Variants in GABRB3 observed in about 807,000 individuals in gnomAD.
GABRB3 encodes the protein gamma-aminobutyric acid receptor subunit beta-3.
GABRB3 carries 14 observed loss-of-function variants against 52.1 expected under a neutral mutation model. The ratio of observed to expected loss-of-function variants is 0.27; its 90% CI spans 0.18 to 0.42. The LOEUF (loss-of-function observed/expected upper bound fraction) is 0.42, where lower values mean the gene tolerates loss of function less well. GABRB3 is among the 10% of genes least tolerant of loss of function. GABRB3 has a pLI of 1.00. For synonymous variants in GABRB3, 260 were observed against 232.3 expected, an observed-to-expected ratio of 1.12 and a Z score of -1.08; for missense variants, 307 against 609.1, an observed-to-expected ratio of 0.50 and a Z score of 5.22.
At chr15:26,567,427 T>A (rs1294366042) in intron 7 of GABRB3, among the ~76,000 whole-genome samples, 154 bp downstream of exon 7, 2 of 152,234 alleles carry the variant, frequency 1.3e-5, no homozygotes, top group African/African-American at 4.8e-5. Context: ...GAATCGTGCG[T>A]GAAATTAGTG....
At chr15:26,769,318 A>G (rs1042058721) in intron 3 of GABRB3, among the ~76,000 whole-genome samples, 1 of 152,228 alleles carries the variant, frequency 6.6e-6, no homozygotes, top group African/African-American at 2.4e-5. Flanking sequence ...TTCAAGAAAG[A>G]ATCTTCCAAG....
chr15:26,719,687 C>T (rs189305730), intron 3 of GABRB3, among the ~76,000 whole-genome samples: 33 of 152,276 alleles, frequency 2.2e-4, no homozygotes, highest in Admixed American at 5.2e-4. Context: ...TCATGAAATA[C>T]GTCAGATCAT....
At chr15:26,554,207 A>ATTTATT (rs1555400879) in intron 8 of GABRB3, among the ~76,000 whole-genome samples, 717 of 57,810 alleles carry the variant, frequency 0.012, 83 homozygotes, top group Non-Finnish European at 0.022. Context: ...ATATATATAT[A>ATTTATT]TAGTAGAAAC....
intron 3 of GABRB3, chr15:26,624,791 G>A: frequency 1.0e-6 from 1 of 985,504 alleles, no homozygotes; most frequent in Non-Finnish European, 1.2e-6. Context: ...GAAGGGGGTG[G>A]TGGAAAGGTC....
chr15:26,658,928 A>T lies in GABRB3; in HGVS notation c.241-37394T>A, dbSNP rs777802920. Among the ~76,000 whole-genome samples the T allele has an allele frequency of 3.6e-4, 55 of 152,234 alleles. 1 individual carries two copies. Among genetic ancestry groups the T allele is most frequent in the Non-Finnish European group, 1.0e-4 (7 of 68,040 alleles). On this transcript the variant is annotated intron_variant, in intron 3 of 8. Transcript: ENST00000311550. ...ATTTGGATGATAGGTCATAGGTGAG[A>T]ATCACTACGCTAAAATAAATTGATC...
At chr15:26,565,604 A>G (rs1296979808) in intron 7 of GABRB3, among the ~76,000 whole-genome samples, 2 of 152,222 alleles carry the variant, frequency 1.3e-5, no homozygotes, top group East Asian at 1.9e-4. Context: ...CTACTTTCAT[A>G]TAACTTAATG....
chr15:26,550,731 C>T (rs1015972218), intron 8 of GABRB3, among the ~76,000 whole-genome samples: 1 of 152,170 alleles, frequency 6.6e-6, no homozygotes, highest in African/African-American at 2.4e-5. Flanking sequence ...AGGAAAGGAG[C>T]ACAGATTGCC....
intron 3 of GABRB3, among the ~76,000 whole-genome samples, chr15:26,716,304 G>C (rs886538706): frequency 6.6e-6 from 1 of 152,184 alleles, no homozygotes; most frequent in Non-Finnish European, 1.5e-5. Context: ...ATCCAACAAA[G>C]AGGTAGGATA....
At chr15:26,624,729 C>T in intron 3 of GABRB3, 1 of 984,910 alleles carries the variant, frequency 1.0e-6, no homozygotes, top group Non-Finnish European at 1.2e-6. Flanking sequence ...AGTGGGGGCA[C>T]AAATCAGTGT....
chr15:26,700,878 AC>A (rs1888908129), intron 3 of GABRB3, among the ~76,000 whole-genome samples: 1 of 152,084 alleles, frequency 6.6e-6, no homozygotes, highest in East Asian at 1.9e-4. Context: ...ACAGGGTGAA[AC>A]CCCGTCTCTA....
At chr15:26,612,277 A>G (rs984449123) in intron 4 of GABRB3, 1 of 152,228 alleles carries the variant, frequency 6.6e-6, no homozygotes, top group African/African-American at 2.4e-5. Context: ...GAATAAAAAC[A>G]ATTGAAAATG....
At chr15:26,592,576 A>T (rs1293565865) in intron 4 of GABRB3, among the ~76,000 whole-genome samples, 2 of 152,240 alleles carry the variant, frequency 1.3e-5, no homozygotes, top group Non-Finnish European at 2.9e-5. Context: ...ACAGACAGAG[A>T]GAAGAAGCTG....
intron 4 of GABRB3, among the ~76,000 whole-genome samples, chr15:26,608,795 A>G (rs1891939750): frequency 6.6e-6 from 1 of 152,162 alleles, no homozygotes; most frequent in South Asian, 2.1e-4. Context: ...AAAAGATGAA[A>G]GATAAGTGTT....
chr15:26,724,205 C>G (rs1347264922), intron 3 of GABRB3, among the ~76,000 whole-genome samples: 2 of 152,164 alleles, frequency 1.3e-5, no homozygotes, highest in African/African-American at 2.4e-5. Flanking sequence ...TTCTTTTCTC[C>G]TCCATGTCAC....
At chr15:26,633,790 T>A (rs1892969981) in intron 3 of GABRB3, among the ~76,000 whole-genome samples, 1 of 152,222 alleles carries the variant, frequency 6.6e-6, no homozygotes, top group African/African-American at 2.4e-5. Flanking sequence ...CTTTTTTGCC[T>A]ACTTTATTTC....
At chr15:26,722,740 GT>G (rs1270797727) in intron 3 of GABRB3, among the ~76,000 whole-genome samples, 1 of 152,104 alleles carries the variant, frequency 6.6e-6, no homozygotes, top group Non-Finnish European at 1.5e-5. Flanking sequence ...AGAAATCAGG[GT>G]TTTCTGACTC....
At chr15:26,558,378 G>A (rs1889834755) in intron 8 of GABRB3, among the ~76,000 whole-genome samples, 2 of 152,168 alleles carry the variant, frequency 1.3e-5, no homozygotes, top group East Asian at 3.9e-4. Flanking sequence ...AGGTCTATGG[G>A]CACAGGCAGT....
intron 8 of GABRB3, among the ~76,000 whole-genome samples, chr15:26,558,753 A>G (rs1889854164): frequency 6.6e-6 from 1 of 152,030 alleles, no homozygotes; most frequent in South Asian, 2.1e-4. Flanking sequence ...AAATATAAAA[A>G]TTAGCTGGGC....
At chr15:26,698,728 CCT>C (rs1395878743) in intron 3 of GABRB3, among the ~76,000 whole-genome samples, 14 of 152,072 alleles carry the variant, frequency 9.2e-5, no homozygotes, top group African/African-American at 3.4e-4. Flanking sequence ...TTGCCTTTCC[CCT>C]GTCGCTCCCC....
Sources: allele counts gnomAD v4.1 joint callset (sites outside exome capture counted in the v4.1 genomes callset), GRCh38; gene constraint gnomAD v4.1.1; transcripts MANE v1.5; gene names NCBI Gene and HGNC (gene_info 2026-07-23, HGNC 2026-07-21).